ERP44: variants seen among roughly 807,000 people sequenced by gnomAD.
The protein encoded by ERP44 is endoplasmic reticulum resident protein 44.
A neutral mutation model predicts 53.4 loss-of-function variants in ERP44; 25 were observed. The ratio of observed to expected loss-of-function variants is 0.47; its 90% CI spans 0.34 to 0.65. The LOEUF is 0.65. ERP44 is among the 30% of genes least tolerant of loss of function. The probability of loss-of-function intolerance (pLI) is 0.01; values close to 1 mark genes in which losing one functional copy is unlikely to be tolerated. For missense variants in ERP44, 338 were observed against 493.2 expected (o/e 0.69, Z 2.98); for synonymous variants, 145 against 161.2 (o/e 0.90, Z 0.76).
chr9:100,028,844 G>A (rs553097633), intron 4 of ERP44, among the ~76,000 whole-genome samples: 4 of 152,296 alleles, frequency 2.6e-5, no homozygotes, highest in African/African-American at 9.6e-5. Flanking sequence ...ACTCGACTCA[G>A]TTGAGAAATG....
chr9:100,018,159 T>C (rs1830543400), intron 7 of ERP44, 97 bp downstream of exon 7: 1 of 822,252 alleles, frequency 1.2e-6, no homozygotes, highest in Admixed American at 1.8e-5. Flanking sequence ...AATTCTAAAG[T>C]TCTATTAGTC....
At chr9:100,048,587 C>T (rs1826002342) in intron 4 of ERP44, among the ~76,000 whole-genome samples, 1 of 152,090 alleles carries the variant, frequency 6.6e-6, no homozygotes, top group African/African-American at 2.4e-5. Flanking sequence ...GTTCATAGCA[C>T]CATTATTCAC....
intron 8 of ERP44, among the ~76,000 whole-genome samples, chr9:100,011,254 A>T (rs779869149): frequency 2.6e-5 from 4 of 152,180 alleles, no homozygotes; most frequent in Non-Finnish European, 5.9e-5. Context: ...CACACCACTG[A>T]CACCTTGTGG....
chr9:100,051,086 T>G (rs1485468272), intron 4 of ERP44, among the ~76,000 whole-genome samples: 1 of 152,234 alleles, frequency 6.6e-6, no homozygotes, highest in East Asian at 1.9e-4. Flanking sequence ...AGCCCATGCC[T>G]GTACTGACAA....
chr9:100,093,559 A>G (rs1455677625), intron 1 of ERP44, among the ~76,000 whole-genome samples: 1 of 152,074 alleles, frequency 6.6e-6, no homozygotes, highest in East Asian at 1.9e-4. Context: ...TGGGAGCATC[A>G]CGTGACCTGG....
chr9:100,011,068 CT>C (rs1830471701), intron 8 of ERP44, among the ~76,000 whole-genome samples: 1 of 152,034 alleles, frequency 6.6e-6, no homozygotes, highest in South Asian at 2.1e-4. Context: ...TAAATGTTTA[CT>C]TCCTTAAAGT....
chr9:100,061,781 A>T (rs1180185057), intron 1 of ERP44, among the ~76,000 whole-genome samples: 2 of 152,084 alleles, frequency 1.3e-5, no homozygotes, highest in East Asian at 3.9e-4. Flanking sequence ...AAATCTCCAA[A>T]TATTTGACTT....
chr9:100,012,250 T>TTTGCATATCTATTGCAATATCTA (rs1360874629), intron 8 of ERP44, among the ~76,000 whole-genome samples: 1 of 152,234 alleles, frequency 6.6e-6, no homozygotes, highest in African/African-American at 2.4e-5. Flanking sequence ...ATGCAATGAA[T>TTTGCATATCTATTGCAATATCTA]TTGCATATCT....
At chr9:100,060,626 A>T (rs1234529399) in intron 1 of ERP44, among the ~76,000 whole-genome samples, 1 of 152,206 alleles carries the variant, frequency 6.6e-6, no homozygotes, top group East Asian at 1.9e-4. Flanking sequence ...GCAAGTTGTA[A>T]ACCAAAAGCC....
At chr9:100,080,339 G>C (rs1234166144) in intron 1 of ERP44, among the ~76,000 whole-genome samples, 1 of 152,058 alleles carries the variant, frequency 6.6e-6, no homozygotes, top group Non-Finnish European at 1.5e-5. Context: ...CTTTAGGACT[G>C]AACATCTGCT....
chr9:100,035,749 A>G (rs1578646), intron 4 of ERP44, among the ~76,000 whole-genome samples: 70,886 of 152,198 alleles, frequency 0.47, 17,839 homozygotes, highest in East Asian at 0.9. Context: ...GTGAACAGAC[A>G]CTTTTCAAAA....
chr9:100,092,968 C>G (rs564444735), intron 1 of ERP44, among the ~76,000 whole-genome samples: 13 of 152,048 alleles, frequency 8.5e-5, no homozygotes, highest in Non-Finnish European at 1.6e-4. Context: ...TAAGACACAC[C>G]ATATAACCCA....
chr9:100,001,918 T>C (rs1830381944), intron 10 of ERP44, among the ~76,000 whole-genome samples: 1 of 152,196 alleles, frequency 6.6e-6, no homozygotes, highest in Admixed American at 6.5e-5. Context: ...TGTCTTCCTT[T>C]GTGATTAGGT....
chr9:100,088,183 C>T (rs2118757211), intron 1 of ERP44, among the ~76,000 whole-genome samples: 1 of 152,258 alleles, frequency 6.6e-6, no homozygotes, highest in East Asian at 1.9e-4. Context: ...TAAAATAAAG[C>T]ACAGAATAGA....
intron 1 of ERP44, among the ~76,000 whole-genome samples, chr9:100,074,457 T>C (rs1286581313): frequency 6.6e-6 from 1 of 152,208 alleles, no homozygotes; most frequent in Non-Finnish European, 1.5e-5. Context: ...ACTTAATTTA[T>C]ATAAGGAAAA....
At position 99,979,384 on chromosome 9, in the gene ERP44, G is replaced by C. The variant is rs555698423; in HGVS notation, c.*3228C>G. The C allele has an allele frequency of 3.3e-5, 5 of 149,878 alleles. No homozygotes were observed. The highest frequency in any genetic ancestry group is 1.2e-4 in the African/African-American group (5 of 40,856). 9.3% of individuals were successfully genotyped at this position (149,878 alleles called of 1,614,324 possible). A position where few individuals can be genotyped will look rare whatever the true frequency, so the allele number is the denominator to read the frequency against. On this transcript the variant is annotated 3_prime_UTR_variant, in exon 12 of 12. Coordinates refer to ENST00000262455, the MANE Select transcript of ERP44 (RefSeq NM_015051.3). ...TTTTCTATAAATTTAAGCTTATTGT[G>C]AGCTTGAACATTTCAAACACTTCTA...
intron 4 of ERP44, among the ~76,000 whole-genome samples, chr9:100,030,570 C>A (rs1410139363): frequency 6.6e-6 from 1 of 152,142 alleles, no homozygotes; most frequent in South Asian, 2.1e-4. Context: ...GAGTTAGAGG[C>A]CCCACTCAGT....
chr9:100,094,903 T>A (rs1390720501), intron 1 of ERP44, among the ~76,000 whole-genome samples: 1 of 149,960 alleles, frequency 6.7e-6, no homozygotes, highest in African/African-American at 2.5e-5. Context: ...GCCTCAGAGG[T>A]TGAGGCTGCA....
Position 100,007,563 on chromosome 9 carries a change from C to G in ERP44, c.874+15G>C. 1 of 1,206,182 alleles carries G rather than the reference C, an allele frequency of 8.3e-7. No individual in the cohort carries two copies. Among genetic ancestry groups the G allele is most frequent in the Non-Finnish European group, 1.2e-6 (1 of 808,398 alleles). The allele number at this position is 1,206,182 out of a possible 1,614,324, so 74.7% of individuals were successfully genotyped here. A position where few individuals can be genotyped will look rare whatever the true frequency, so the allele number is the denominator to read the frequency against. ...GAGAAAGAAATGATGAAAATAAACA[C>G]CTTAATCTGTCTACCTTTTTCACTT... is the stretch of plus-strand genomic sequence containing the variant. On this transcript the variant is annotated intron_variant, in intron 9 of 11. Transcript: ENST00000262455.
Sources: gnomAD v4.1 joint callset for allele counts (sites outside exome capture counted in the v4.1 genomes callset) on GRCh38, gnomAD v4.1.1 for gene constraint, MANE v1.5 for transcripts, NCBI Gene and HGNC (gene_info 2026-07-23, HGNC 2026-07-21) for gene names.